The following ATAD3A variants were observed in gnomAD, a reference collection of about 807,000 sequenced individuals.
The protein encoded by ATAD3A is ATPase family AAA domain-containing protein 3A.
In ATAD3A, 46 loss-of-function variants were observed where a neutral mutation model predicts 73.8. The ratio of observed to expected loss-of-function variants is 0.62; its 90% CI spans 0.49 to 0.80. ATAD3A has a LOEUF of 0.80. Among genes scored for constraint, ATAD3A ranks in the 30% least tolerant of loss-of-function variants. The pLI is 0.00. For synonymous variants in ATAD3A, 319 were observed against 350.0 expected (o/e 0.91, Z 0.99); for missense variants, 705 against 838.0 (o/e 0.84, Z 1.96).
At chr1:1,518,687 A>C (rs1436285236) in intron 4 of ATAD3A, among the ~76,000 whole-genome samples, 13 of 78,120 alleles carry the variant, frequency 1.7e-4, no homozygotes, top group Admixed American at 3.8e-4. Flanking sequence ...ACACACACAC[A>C]CACCCAAACG....
chr1:1,533,894 C>T (rs750155615), intron 15 of ATAD3A, 32 bp from the exon 16 acceptor site: 21 of 1,604,272 alleles, frequency 1.3e-5, no homozygotes, highest in Middle Eastern at 1.8e-4. Context: ...GTTCCCATGG[C>T]GGCCTCCCTC....
intron 2 of ATAD3A, among the ~76,000 whole-genome samples, chr1:1,516,341 G>C (rs531553257): frequency 6.6e-6 from 1 of 152,064 alleles, no homozygotes. Context: ...GCCGGTGTTG[G>C]TGAGGGCGTC....
chr1:1,529,139 G>A lies in ATAD3A; in HGVS notation c.1506-84G>A, dbSNP rs574424956. Reference sequence around the variant, plus strand: ...AAAGAGGATGTTTGGCGTGGGTGTCGGCCTCGCTGCCTGTCTTCCGGCCTC... The same window carrying A: ...AAAGAGGATGTTTGGCGTGGGTGTCAGCCTCGCTGCCTGTCTTCCGGCCTC... On this transcript the variant is annotated intron_variant, in intron 14 of 15. Coordinates refer to ENST00000378756, the MANE Select transcript of ATAD3A (RefSeq NM_001170535.3). 109 of 1,562,194 alleles carry A rather than the reference G, an allele frequency of 7.0e-5. No homozygotes were observed. The East Asian group carries it at 1.4e-3, about 20-fold the overall frequency.
intron 13 of ATAD3A, 46 bp from the exon 14 acceptor site, chr1:1,527,649 C>T (rs1222592276): frequency 6.4e-7 from 1 of 1,572,208 alleles, no homozygotes; most frequent in Non-Finnish European, 8.6e-7. Flanking sequence ...CTTGGTGCAG[C>T]TCGGCCGGCA....
rs547958828 is a variant in ATAD3A, at chr1:1,532,911, C to T, written c.1615-1015C>T. Reference sequence around the variant, plus strand: ...GGGCCCCTGACCCACAGTGGCGGTGCGGCTCCGGTCAGTGTCTCCTGCGCT... The same window carrying T: ...GGGCCCCTGACCCACAGTGGCGGTGTGGCTCCGGTCAGTGTCTCCTGCGCT... On this transcript the variant is annotated intron_variant, in intron 15 of 15. Coordinates refer to ENST00000378756, the MANE Select transcript of ATAD3A (RefSeq NM_001170535.3). Among the ~76,000 whole-genome samples the T allele has an allele frequency of 5.9e-5, 9 of 152,108 alleles. No individual in the cohort carries two copies. In the South Asian group the frequency reaches 6.2e-4, roughly 11 times the overall value.
chr1:1,514,755 T>C (rs1279242435), intron 1 of ATAD3A, among the ~76,000 whole-genome samples: 2 of 152,204 alleles, frequency 1.3e-5, no homozygotes, highest in African/African-American at 4.8e-5. Flanking sequence ...CAGTTGACTC[T>C]GAAGGCTTAA....
Position 1,534,286 on chromosome 1 carries a change from T to C in ATAD3A, c.*214T>C. 1 of 1,446,518 alleles carries C rather than the reference T, an allele frequency of 6.9e-7. No homozygotes were observed. The highest frequency in any genetic ancestry group is 2.6e-4 in the Middle Eastern group (1 of 3,840). 89.6% of individuals were successfully genotyped at this position (1,446,518 alleles called of 1,614,324 possible). ...ACTGGCTAGGGAGGGGCAGGCCTCC[T>C]TCCTGCCCCTCGAGACACTCTTGGG... On this transcript the variant is annotated 3_prime_UTR_variant, in exon 16 of 16. Transcript: ENST00000378756.
Position 1,512,485 on chromosome 1 carries a change from G to GGGGCGGGGCGGCGCGGGC in ATAD3A, c.205+20_205+37dup. 8.3e-7 allele frequency: 1 copy of GGGGCGGGGCGGCGCGGGC among 1,197,742 alleles called. No homozygotes were observed. The highest frequency in any genetic ancestry group is 3.2e-5 in the South Asian group (1 of 31,136). 74.2% of individuals were successfully genotyped at this position (1,197,742 alleles called of 1,614,324 possible). On this transcript the variant is annotated intron_variant, in intron 1 of 15. Transcript: ENST00000378756. ...GCTGGAGCACTCGCGTGAGTGCGGC[G>GGGGCGGGGCGGCGCGGGC]GGGCGGGGCGGCGCGGGCGGGCGGG...
At chr1:1,518,279 G>A (rs1570325266) in intron 4 of ATAD3A, among the ~76,000 whole-genome samples, 1 of 134,466 alleles carries the variant, frequency 7.4e-6, no homozygotes, top group African/African-American at 2.8e-5. Flanking sequence ...ACCACACACA[G>A]GTACGTACCC....
Position 1,534,050 on chromosome 1 carries a change from G to C in ATAD3A, c.1739G>C (p.Gly580Ala). ...CWLKAEGPGR[G>A]DEPSPS ...CTGAAGGCGGAAGGGCCTGGGCGTG[G>C]GGACGAGCCCTCCCCATCCTGAGTC... The change falls in exon 16 of 16, where the codon GGG becomes GCG. Residue 580 changes from glycine (G) to alanine (A), a missense_variant. Physicochemically the swap from Gly to Ala is moderately conservative, Grantham distance 60 (BLOSUM62 0). Transcript: ENST00000378756. The C allele has an allele frequency of 6.2e-7, 1 of 1,613,594 alleles. No individual in the cohort carries two copies. Among genetic ancestry groups the C allele is most frequent in the Non-Finnish European group, 8.5e-7 (1 of 1,179,918 alleles).
At chr1:1,518,689 A>C (rs12032157) in intron 4 of ATAD3A, among the ~76,000 whole-genome samples, 1,405 of 85,826 alleles carry the variant, frequency 0.016, 20 homozygotes, top group African/African-American at 0.054. Context: ...ACACACACAC[A>C]CCCAAACGGG....
intron 15 of ATAD3A, among the ~76,000 whole-genome samples, chr1:1,529,674 C>T (rs1053493436): frequency 1.3e-5 from 2 of 152,200 alleles, no homozygotes; most frequent in African/African-American, 4.8e-5. Context: ...TGTAAATGGT[C>T]GTTAGGACAG....
intron 15 of ATAD3A, among the ~76,000 whole-genome samples, chr1:1,530,257 G>A (rs181391583): frequency 7.5e-4 from 114 of 152,316 alleles, no homozygotes; most frequent in African/African-American, 2.6e-3. Context: ...AGCAGAGGCC[G>A]GGTATGGTGG....
At chr1:1,514,844 T>G (rs1199143468) in intron 1 of ATAD3A, among the ~76,000 whole-genome samples, 2 of 152,114 alleles carry the variant, frequency 1.3e-5, no homozygotes, top group Non-Finnish European at 2.9e-5. Flanking sequence ...CCTGCCTACT[T>G]TACGTGTCTT....
At chr1:1,525,411 A>G (rs1570346504) in intron 12 of ATAD3A, 120 bp downstream of exon 12, 2 of 1,127,294 alleles carry the variant, frequency 1.8e-6, no homozygotes, top group East Asian at 5.1e-5. Context: ...TGTGAAAAAC[A>G]GCTTTTTTTT....
Position 1,523,635 on chromosome 1 carries a change from C to T in ATAD3A, c.963+68C>T, listed in dbSNP as rs1308162751. ...CCCTGGAGCTGGGCCGGGCTGTGGC[C>T]CTTGCTGGCGCTCGTGGTGGCACCC... On this transcript the variant is annotated intron_variant, in intron 9 of 15. Coordinates refer to ENST00000378756, the MANE Select transcript of ATAD3A (RefSeq NM_001170535.3). The surrounding 1 kb of genome is among the most constrained non-coding windows in gnomAD (Gnocchi z 5.1). 1.2e-5 allele frequency: 20 copies of T among 1,607,174 alleles called. No individual in the cohort carries two copies. The highest frequency in any genetic ancestry group is 1.6e-5 in the Non-Finnish European group (19 of 1,177,092).
At position 1,534,181 on chromosome 1, in the gene ATAD3A, T is replaced by G; in HGVS notation, c.*109T>G. The G allele has an allele frequency of 6.3e-7, 1 of 1,578,574 alleles. No homozygotes were observed. The highest frequency in any genetic ancestry group is 8.6e-7 in the Non-Finnish European group (1 of 1,163,148). On this transcript the variant is annotated 3_prime_UTR_variant, in exon 16 of 16. Coordinates refer to ENST00000378756, the MANE Select transcript of ATAD3A (RefSeq NM_001170535.3). ...ATGCTCCTGGGTGGGGACTGGGCTG[T>G]GCCCAGGGCCTCTGTCCCCCAGGAT...
At chr1:1,513,274 G>C in intron 1 of ATAD3A, among the ~76,000 whole-genome samples, 1 of 151,860 alleles carries the variant, frequency 6.6e-6, no homozygotes, top group East Asian at 1.9e-4. Context: ...GGGTTCCTTT[G>C]TGTCCTAGTT....
chr1:1,519,137 C>T (rs970576752), intron 5 of ATAD3A, 147 bp downstream of exon 5: 4 of 1,531,384 alleles, frequency 2.6e-6, no homozygotes, highest in Non-Finnish European at 3.5e-6. Flanking sequence ...CGGGGTGGGG[C>T]TGCCTCTCGG....
Sources: allele counts gnomAD v4.1 joint callset (sites outside exome capture counted in the v4.1 genomes callset), GRCh38; gene constraint gnomAD v4.1.1; non-coding constraint Gnocchi (gnomAD v3.1); transcripts MANE v1.5; gene names NCBI Gene and HGNC (gene_info 2026-07-23, HGNC 2026-07-21).